SLC38A8: variants seen among roughly 807,000 people sequenced by gnomAD.
The protein encoded by SLC38A8 is solute carrier family 38 member 8, also known as amino acid transporter SLC38A8.
SLC38A8 carries 65 observed loss-of-function variants against 46.0 expected under a neutral mutation model. The observed-to-expected ratio is 1.41, with a 90% CI of 1.16 to 1.74. SLC38A8 has a LOEUF of 1.74. Ranked by LOEUF, SLC38A8 falls within the 40% of genes most tolerant of loss-of-function variation. The pLI, the probability that SLC38A8 is intolerant of heterozygous loss-of-function variation, is 0.00. For missense variants in SLC38A8, 998 were observed against 567.9 expected, an observed-to-expected ratio of 1.76 and a Z score of -7.70; for synonymous variants, 447 against 243.7, an observed-to-expected ratio of 1.83 and a Z score of -7.77.
At chr16:84,020,535 C>G (rs2326152) in intron 7 of SLC38A8, among the ~76,000 whole-genome samples, 101,256 of 152,148 alleles carry the variant, frequency 0.67, 35,449 homozygotes, top group African/African-American at 0.89. Flanking sequence ...GCAACGCACG[C>G]ATCCTGCCAA....
chr16:84,036,539 G>A (rs947433139), intron 3 of SLC38A8, among the ~76,000 whole-genome samples, 163 bp downstream of exon 3: 1 of 152,226 alleles, frequency 6.6e-6, no homozygotes, highest in African/African-American at 2.4e-5. Context: ...CTATCCATTC[G>A]GAGCCTCCCT....
intron 5 of SLC38A8, among the ~76,000 whole-genome samples, chr16:84,030,986 G>C (rs899696934): frequency 9.2e-5 from 14 of 152,168 alleles, no homozygotes; most frequent in African/African-American, 3.4e-4. Context: ...GGTCTCTGTT[G>C]CTGCCCCTGG....
At chr16:84,022,915 G>A (rs1171537176) in intron 6 of SLC38A8, 26 bp from the exon 7 acceptor site, 5 of 1,528,066 alleles carry the variant, frequency 3.3e-6, no homozygotes, top group Non-Finnish European at 4.4e-6. Context: ...CGGCTCAGCA[G>A]GATGCTGGCT....
At chr16:84,031,506 C>A (rs994212848) in intron 5 of SLC38A8, among the ~76,000 whole-genome samples, 1 of 152,232 alleles carries the variant, frequency 6.6e-6, no homozygotes, top group African/African-American at 2.4e-5. Flanking sequence ...GCTGGCTTGG[C>A]CACACCGGCC....
rs1266970083 is a variant in SLC38A8, at chr16:84,013,436, T to TG, written c.1163-385_1163-384insC. On this transcript the variant is annotated intron_variant, in intron 9 of 10. Transcript: ENST00000299709. ...TTGTTGTGTGTGTGTTTTTTTTTTTTTTTTTTTTTTTTTGAGACGGAGTCT... is the reference window on the plus strand; with the variant it reads ...TTGTTGTGTGTGTGTTTTTTTTTTTTGTTTTTTTTTTTTTGAGACGGAGTCT... Among the ~76,000 whole-genome samples the TG allele has an allele frequency of 1.7e-4, 22 of 126,244 alleles. 1 individual carries two copies. The highest frequency in any genetic ancestry group is 5.7e-4 in the South Asian group (2 of 3,500). The allele number at this position is 126,244 out of a possible 152,430, so 82.8% of individuals were successfully genotyped here.
intron 6 of SLC38A8, among the ~76,000 whole-genome samples, chr16:84,027,468 T>C (rs1164244026): frequency 1.3e-5 from 2 of 152,214 alleles, no homozygotes; most frequent in African/African-American, 2.4e-5. Flanking sequence ...TCTCACTGAC[T>C]GGACAGGCCT....
intron 2 of SLC38A8, among the ~76,000 whole-genome samples, chr16:84,039,757 AAAAAAAAAAAAGGC>A (rs368608028): frequency 0.22 from 31,360 of 141,304 alleles, 4,120 homozygotes; most frequent in African/African-American, 0.36. Flanking sequence ...AAAAAAAAAA[AAAAAAAAAAAAGGC>A]AGGGGAAGGT....
chr16:84,017,166 G>C lies in SLC38A8; in HGVS notation c.927C>G (p.Val309=). The C allele has an allele frequency of 6.2e-7, 1 of 1,614,156 alleles. No homozygotes were observed. Among genetic ancestry groups the C allele is most frequent in the Non-Finnish European group, 8.5e-7 (1 of 1,180,032 alleles). The change falls in exon 8 of 11, where the codon GTC becomes GTG. Residue 309 remains valine, a synonymous_variant. Coordinates refer to ENST00000299709, the MANE Select transcript of SLC38A8 (RefSeq NM_001080442.3). The part of the protein sequence containing the change: ...RVLFAVSIVT[V]YPIVLFLGRS... ...TCCCCAGGAAGAGCACGATGGGGTA[G>C]ACAGTTACGATGGAGACAGCAAAAA...
chr16:84,039,016 T>C (rs1210636013), intron 2 of SLC38A8, among the ~76,000 whole-genome samples: 1 of 152,154 alleles, frequency 6.6e-6, no homozygotes, highest in Non-Finnish European at 1.5e-5. Flanking sequence ...TTTGCCTCTA[T>C]CATTAAGGAT....
intron 7 of SLC38A8, among the ~76,000 whole-genome samples, chr16:84,018,475 T>G (rs533956458): frequency 2.0e-5 from 3 of 152,052 alleles, no homozygotes; most frequent in African/African-American, 7.2e-5. Context: ...CGCCCTGGCC[T>G]CCCAAAGTGC....
At chr16:84,037,806 A>ATTT (rs376247461) in intron 2 of SLC38A8, among the ~76,000 whole-genome samples, 25,826 of 102,004 alleles carry the variant, frequency 0.25, 4,144 homozygotes, top group South Asian at 0.31. Context: ...TTCAGCTTCA[A>ATTT]TTTTTTTTTT....
intron 6 of SLC38A8, among the ~76,000 whole-genome samples, chr16:84,028,615 C>CCTG (rs1440156254): frequency 6.6e-6 from 1 of 151,664 alleles, no homozygotes; most frequent in Non-Finnish European, 1.5e-5. Flanking sequence ...TCTGCTTCCA[C>CCTG]CTGCTAGGAG....
At position 84,022,895 on chromosome 16, in the gene SLC38A8, A is replaced by G. The variant is rs752290091; in HGVS notation, c.691-6T>C. The G allele has an allele frequency of 6.3e-7, 1 of 1,585,426 alleles. No homozygotes were observed. Among genetic ancestry groups the G allele is most frequent in the Non-Finnish European group, 8.6e-7 (1 of 1,168,028 alleles). On this transcript the variant is annotated splice_region_variant and splice_polypyrimidine_tract_variant and intron_variant, in intron 6 of 10. Coordinates refer to ENST00000299709, the MANE Select transcript of SLC38A8 (RefSeq NM_001080442.3). ...GAGACGGCAGCTTCGTGACACTGTA[A>G]GACAGAGGGCGGCTCAGCAGGATGC...
intron 2 of SLC38A8, among the ~76,000 whole-genome samples, chr16:84,040,539 G>A (rs143451978): frequency 2.9e-3 from 438 of 152,250 alleles, no homozygotes; most frequent in African/African-American, 0.01. Context: ...CATTCCTGCT[G>A]CCCGGGGATT....
At chr16:84,039,634 T>A (rs1200769536) in intron 2 of SLC38A8, among the ~76,000 whole-genome samples, 2 of 150,818 alleles carry the variant, frequency 1.3e-5, no homozygotes, top group Non-Finnish European at 2.9e-5. Context: ...TAGTCCCAGC[T>A]ACTTGGGAGG....
At chr16:84,023,044 C>A (rs1007683225) in intron 6 of SLC38A8, among the ~76,000 whole-genome samples, 155 bp from the exon 7 acceptor site, 20 of 152,132 alleles carry the variant, frequency 1.3e-4, no homozygotes, top group African/African-American at 4.6e-4. Context: ...TCACAGTACA[C>A]CCCCAACCCC....
intron 9 of SLC38A8, among the ~76,000 whole-genome samples, chr16:84,015,564 G>C (rs1002736350): frequency 2.2e-5 from 1 of 45,448 alleles, no homozygotes; most frequent in Non-Finnish European, 3.9e-5. Context: ...CTGCATACTA[G>C]CTGTGCCCCC....
chr16:84,020,849 A>C (rs1284950437), intron 7 of SLC38A8, among the ~76,000 whole-genome samples: 1 of 152,210 alleles, frequency 6.6e-6, no homozygotes, highest in African/African-American at 2.4e-5. Context: ...ACAGGGCCAC[A>C]ACCTTGGTTT....
chr16:84,036,125 G>C (rs929174889), intron 3 of SLC38A8, among the ~76,000 whole-genome samples: 1 of 152,130 alleles, frequency 6.6e-6, no homozygotes, highest in African/African-American at 2.4e-5. Flanking sequence ...AACCGTGAAG[G>C]AATCTAAAAA....
Sources: gnomAD v4.1 joint callset for allele counts (sites outside exome capture counted in the v4.1 genomes callset) on GRCh38, gnomAD v4.1.1 for gene constraint, MANE v1.5 for transcripts, NCBI Gene and HGNC (gene_info 2026-07-23, HGNC 2026-07-21) for gene names.